Variants in SUMF1 observed in about 807,000 individuals in gnomAD.
The protein encoded by SUMF1 is formylglycine-generating enzyme.
SUMF1 carries 48 observed loss-of-function variants against 47.6 expected under a neutral mutation model. The ratio of observed to expected loss-of-function variants is 1.01; its 90% CI spans 0.80 to 1.28. SUMF1 has a LOEUF of 1.28. Among genes scored for constraint, SUMF1 ranks in the 50% most tolerant of loss-of-function variants. The pLI, the probability that SUMF1 is intolerant of heterozygous loss-of-function variation, is 0.00. For missense variants in SUMF1, 571 were observed against 485.4 expected, an observed-to-expected ratio of 1.18 and a Z score of -1.66; for synonymous variants, 230 against 192.1, an observed-to-expected ratio of 1.20 and a Z score of -1.63.
At chr3:4,233,296 T>A (rs1344569815) in intron 8 of SUMF1, among the ~76,000 whole-genome samples, 1 of 152,160 alleles carries the variant, frequency 6.6e-6, no homozygotes, top group Non-Finnish European at 1.5e-5. Context: ...AAAATCTATC[T>A]ATTCCAAACC....
At chr3:4,445,799 G>C (rs1434783630) in intron 3 of SUMF1, among the ~76,000 whole-genome samples, 1 of 152,048 alleles carries the variant, frequency 6.6e-6, no homozygotes, top group Non-Finnish European at 1.5e-5. Flanking sequence ...AAAACAAGTG[G>C]GTCATATGAA....
chr3:4,151,085 C>T (rs928946533), intron 8 of SUMF1, among the ~76,000 whole-genome samples: 3 of 151,252 alleles, frequency 2.0e-5, no homozygotes, highest in Admixed American at 6.6e-5. Context: ...CTTTTAGAAT[C>T]GCTGTTCTCA....
At chr3:4,041,981 G>T (rs1484883593) in intron 9 of SUMF1, among the ~76,000 whole-genome samples, 1 of 152,090 alleles carries the variant, frequency 6.6e-6, no homozygotes, top group Non-Finnish European at 1.5e-5. Flanking sequence ...GATGATAATA[G>T]TCCCTCAAAA....
chr3:4,434,094 G>T (rs973675683), intron 3 of SUMF1, among the ~76,000 whole-genome samples: 1 of 152,192 alleles, frequency 6.6e-6, no homozygotes, highest in Non-Finnish European at 1.5e-5. Flanking sequence ...AATTCACAGA[G>T]GCTCAAAGTA....
chr3:4,364,254 G>T (rs1699872318), intron 8 of SUMF1, among the ~76,000 whole-genome samples: 3 of 118,732 alleles, frequency 2.5e-5, no homozygotes, highest in African/African-American at 8.1e-5. Flanking sequence ...GAGTTAGGGA[G>T]GATTCCCTCT....
chr3:4,164,818 T>A (rs1468620871), intron 8 of SUMF1, among the ~76,000 whole-genome samples: 1 of 152,118 alleles, frequency 6.6e-6, no homozygotes, highest in South Asian at 2.1e-4. Flanking sequence ...GATAATAAAC[T>A]TATCTTTTAG....
At chr3:4,094,307 A>G (rs1232640872) in intron 8 of SUMF1, among the ~76,000 whole-genome samples, 1 of 152,104 alleles carries the variant, frequency 6.6e-6, no homozygotes, top group African/African-American at 2.4e-5. Context: ...GGTAATATGA[A>G]TAGGCACTGG....
intron 3 of SUMF1, among the ~76,000 whole-genome samples, chr3:4,438,134 CT>C (rs1365406981): frequency 1.3e-5 from 2 of 151,696 alleles, no homozygotes; most frequent in Admixed American, 6.6e-5. Context: ...GTAAGACATG[CT>C]TTTCTTACTA....
At chr3:4,116,775 C>A (rs368481253) in intron 8 of SUMF1, among the ~76,000 whole-genome samples, 17 of 152,206 alleles carry the variant, frequency 1.1e-4, no homozygotes, top group African/African-American at 4.1e-4. Flanking sequence ...CAACTATTTA[C>A]TTCTCACTGG....
intron 9 of SUMF1, among the ~76,000 whole-genome samples, chr3:4,046,576 A>T (rs1219608429): frequency 6.6e-6 from 1 of 152,018 alleles, no homozygotes; most frequent in Non-Finnish European, 1.5e-5. Flanking sequence ...GAAAAACACA[A>T]TGGAGAAAAC....
At position 4,361,381 on chromosome 3, in the gene SUMF1, C is replaced by T. The variant is rs1393405524; in HGVS notation, c.*763G>A. ...GAGGGGGAAACAGAGCTTATGACTG[C>T]CCCTCTGAACCAAAGGCACTTAATG... On this transcript the variant is annotated 3_prime_UTR_variant, in exon 9 of 9. Transcript: ENST00000272902. The T allele has an allele frequency of 1.3e-5, 2 of 152,612 alleles. No homozygotes were observed. Among genetic ancestry groups the T allele is most frequent in the African/African-American group, 4.8e-5 (2 of 41,442 alleles). The allele number at this position is 152,612 out of a possible 1,614,324, so 9.5% of individuals were successfully genotyped here.
intron 8 of SUMF1, among the ~76,000 whole-genome samples, chr3:4,234,145 C>A (rs1424160824): frequency 2.0e-5 from 3 of 152,066 alleles, no homozygotes; most frequent in Non-Finnish European, 2.9e-5. Context: ...GTCAAAAGAA[C>A]TGGGATCTGG....
At chr3:4,356,579 A>ATTT (rs397831653), downstream of SUMF1, among the ~76,000 whole-genome samples, 155 of 146,952 alleles carry the variant, frequency 1.1e-3, no homozygotes, top group East Asian at 6.1e-3. Flanking sequence ...AATACATACA[A>ATTT]TTTTTTTTTT....
intron 8 of SUMF1, among the ~76,000 whole-genome samples, chr3:4,183,768 T>C (rs1302838235): frequency 6.6e-6 from 1 of 152,194 alleles, no homozygotes; most frequent in East Asian, 1.9e-4. Flanking sequence ...CAATGGAAGG[T>C]GGCTAAAAGG....
intron 8 of SUMF1, among the ~76,000 whole-genome samples, chr3:4,210,941 C>T (rs758443856): frequency 5.9e-5 from 9 of 151,312 alleles, no homozygotes; most frequent in Non-Finnish European, 8.8e-5. Context: ...GCATAGCCTC[C>T]CAGCATACAT....
intron 8 of SUMF1, among the ~76,000 whole-genome samples, chr3:4,373,863 G>A (rs1309859411): frequency 6.6e-6 from 1 of 152,050 alleles, no homozygotes; most frequent in African/African-American, 2.4e-5. Flanking sequence ...ACATATCCCA[G>A]GAATGCAAGG....
Position 4,138,910 on chromosome 3 carries a change from T to A in SUMF1, c.1015-70165A>T, listed in dbSNP as rs147652788. On this transcript the variant is annotated intron_variant and NMD_transcript_variant, in intron 8 of 12. Coordinates refer to the SUMF1 transcript ENST00000448413. ...ATGTTCTTGAGGCTATTTACCCATATTTTTTCTGTATGCTGGATTTTTTAT... is the reference window on the plus strand; with the variant it reads ...ATGTTCTTGAGGCTATTTACCCATAATTTTTCTGTATGCTGGATTTTTTAT... Among the ~76,000 whole-genome samples, 61 of 152,192 alleles carry A rather than the reference T, an allele frequency of 4.0e-4. 1 individual carries two copies. The highest frequency in any genetic ancestry group is 1.4e-3 in the African/African-American group (58 of 41,522).
At chr3:4,339,377 G>A (rs897172905) in intron 8 of SUMF1, among the ~76,000 whole-genome samples, 1 of 152,162 alleles carries the variant, frequency 6.6e-6, no homozygotes, top group Non-Finnish European at 1.5e-5. Context: ...GCTGCTGCTA[G>A]GATTCCCACC....
intron 7 of SUMF1, among the ~76,000 whole-genome samples, chr3:4,386,101 A>G (rs909161576): frequency 6.6e-6 from 1 of 152,198 alleles, no homozygotes; most frequent in African/African-American, 2.4e-5. Context: ...AAATTGTTTT[A>G]GCAATTCTAG....
Sources: gnomAD v4.1 joint callset for allele counts (sites outside exome capture counted in the v4.1 genomes callset) on GRCh38, gnomAD v4.1.1 for gene constraint, MANE v1.5 for transcripts, NCBI Gene and HGNC (gene_info 2026-07-23, HGNC 2026-07-21) for gene names.